MAPK10: variants seen among roughly 807,000 people sequenced by gnomAD.
MAPK10 encodes mitogen-activated protein kinase 10, also known as JNK3 alpha protein kinase.
Under a neutral mutation model 59.3 loss-of-function variants are expected in MAPK10, and 25 were observed. The ratio of observed to expected loss-of-function variants is 0.42; its 90% CI spans 0.31 to 0.59. MAPK10 has a LOEUF of 0.59. MAPK10 is among the 20% of genes least tolerant of loss of function. The probability of loss-of-function intolerance (pLI) is 0.15; values close to 1 mark genes in which losing one functional copy is unlikely to be tolerated. For missense variants in MAPK10, 351 were observed against 568.9 expected, an observed-to-expected ratio of 0.62 and a Z score of 3.90; for synonymous variants, 190 against 200.5, an observed-to-expected ratio of 0.95 and a Z score of 0.44.
chr4:86,505,112 C>T (rs1015149020), intron 1 of MAPK10, among the ~76,000 whole-genome samples: 7 of 152,148 alleles, frequency 4.6e-5, no homozygotes, highest in African/African-American at 1.7e-4. Context: ...GTTCAACCTT[C>T]ACCTGTTTCT....
At chr4:86,046,768 C>A (rs553767436) in intron 11 of MAPK10, among the ~76,000 whole-genome samples, 1 of 152,144 alleles carries the variant, frequency 6.6e-6, no homozygotes, top group South Asian at 2.1e-4. Flanking sequence ...CCATTAACAT[C>A]CTGAGCTTTA....
intron 9 of MAPK10, among the ~76,000 whole-genome samples, chr4:86,097,766 G>C (rs1018739351): frequency 6.6e-6 from 1 of 152,012 alleles, no homozygotes; most frequent in East Asian, 1.9e-4. Context: ...TTTAAGAAAT[G>C]TATCAGTTCA....
chr4:86,575,788 A>T (rs770669086), intron 1 of MAPK10, among the ~76,000 whole-genome samples: 5 of 150,186 alleles, frequency 3.3e-5, no homozygotes, highest in Non-Finnish European at 7.4e-5. Flanking sequence ...ATGGTGTATG[A>T]TGGGGTTATG....
At chr4:86,153,966 A>C (rs915338676) in intron 4 of MAPK10, among the ~76,000 whole-genome samples, 4 of 152,196 alleles carry the variant, frequency 2.6e-5, no homozygotes, top group African/African-American at 9.6e-5. Flanking sequence ...GATATTACAG[A>C]TGTACATGAG....
chr4:86,515,154 C>T (rs1213175983), intron 1 of MAPK10, among the ~76,000 whole-genome samples: 1 of 152,176 alleles, frequency 6.6e-6, no homozygotes, highest in African/African-American at 2.4e-5. Context: ...CCAATTCCAA[C>T]CATGTTGCTG....
At chr4:86,103,076 T>TGG in intron 6 of MAPK10, 110 bp downstream of exon 6, 1 of 352,932 alleles carries the variant, frequency 2.8e-6, no homozygotes. Context: ...ATTTCAACTC[T>TGG]GTGTGTGTGT....
intron 1 of MAPK10, among the ~76,000 whole-genome samples, chr4:86,561,173 C>T (rs1760648959): frequency 6.6e-6 from 1 of 152,150 alleles, no homozygotes; most frequent in Non-Finnish European, 1.5e-5. Context: ...GAATCTAATG[C>T]CACTGCTGAT....
At position 86,014,439 on chromosome 4, in the gene MAPK10, G is replaced by T. The variant is rs1307695716; in HGVS notation, c.*2789C>A. ...ATATTATAGGAAAGCAGACCTAGTG[G>T]GCAAAGGACTGGGGGGCTTTTACAG... On this transcript the variant is annotated 3_prime_UTR_variant, in exon 14 of 14. Transcript: ENST00000641462. The T allele has an allele frequency of 1.3e-5, 2 of 151,736 alleles. No individual in the cohort carries two copies. The highest frequency in any genetic ancestry group is 2.9e-5 in the Non-Finnish European group (2 of 67,980). The allele number at this position is 151,736 out of a possible 1,614,324, so 9.4% of individuals were successfully genotyped here. A position where few individuals can be genotyped will look rare whatever the true frequency, so the allele number is the denominator to read the frequency against.
chr4:86,257,156 T>G (rs369673976), intron 2 of MAPK10, among the ~76,000 whole-genome samples: 1 of 152,222 alleles, frequency 6.6e-6, no homozygotes, highest in Admixed American at 6.5e-5. Context: ...AGCATGAATA[T>G]ATCTCCAACC....
chr4:86,027,423 T>C (rs1302175547), intron 13 of MAPK10: 1 of 152,144 alleles, frequency 6.6e-6, no homozygotes, highest in Non-Finnish European at 1.5e-5. Flanking sequence ...TTTCCCAAAA[T>C]GAATAAATCA....
chr4:86,134,118 C>A (rs1332864432), intron 4 of MAPK10, among the ~76,000 whole-genome samples: 2 of 152,138 alleles, frequency 1.3e-5, no homozygotes, highest in East Asian at 3.8e-4. Flanking sequence ...TACATTGAGC[C>A]AAAATCTAAG....
At chr4:86,058,212 TCTC>T (rs1449363721) in intron 11 of MAPK10, among the ~76,000 whole-genome samples, 1 of 149,670 alleles carries the variant, frequency 6.7e-6, no homozygotes, top group Non-Finnish European at 1.5e-5. Context: ...TCTAAAGTCT[TCTC>T]CTCTCCAGAG....
chr4:86,100,026 A>T (rs755153326), intron 8 of MAPK10: 1 of 152,186 alleles, frequency 6.6e-6, no homozygotes, highest in Non-Finnish European at 1.5e-5. Flanking sequence ...GAGTATACAA[A>T]GAAGTTTCTG....
chr4:86,239,863 C>T (rs1170023017), intron 2 of MAPK10, among the ~76,000 whole-genome samples: 1 of 149,634 alleles, frequency 6.7e-6, no homozygotes, highest in South Asian at 2.1e-4. Context: ...CAATTCTTCT[C>T]TGATGTTAGT....
At chr4:86,141,378 T>G (rs193278589) in intron 4 of MAPK10, among the ~76,000 whole-genome samples, 1 of 152,322 alleles carries the variant, frequency 6.6e-6, no homozygotes, top group African/African-American at 2.4e-5. Context: ...TTTTTTAACC[T>G]GAGGAAATTG....
At chr4:86,086,571 G>A (rs759005863) in intron 9 of MAPK10, among the ~76,000 whole-genome samples, 21 of 152,110 alleles carry the variant, frequency 1.4e-4, no homozygotes, top group Middle Eastern at 6.8e-3. Flanking sequence ...AAAAAGTCAT[G>A]CATAGCTCAT....
At chr4:86,344,439 T>C (rs569241520) in intron 2 of MAPK10, among the ~76,000 whole-genome samples, 19 of 152,290 alleles carry the variant, frequency 1.2e-4, no homozygotes, top group African/African-American at 4.1e-4. Context: ...AAAGAAACTA[T>C]CCTACTGTGT....
rs1394002245 is a variant in MAPK10 at position 86,150,102 on chromosome 4, A to G, written c.236+9196T>C. The stretch of plus-strand genomic sequence containing the variant: ...ATAAAGAAAATGTGGTATATACACC[A>G]TGGAATACCACTCAGCCATTAAAAG... On this transcript the variant is annotated intron_variant, in intron 4 of 13. Coordinates refer to ENST00000641462, the MANE Select transcript of MAPK10 (RefSeq NM_138982.4). Among the ~76,000 whole-genome samples, 4 of 152,254 alleles carry G rather than the reference A, an allele frequency of 2.6e-5. No homozygotes were observed. In the East Asian group the frequency reaches 5.8e-4, roughly 22 times the overall value.
intron 4 of MAPK10, among the ~76,000 whole-genome samples, chr4:86,140,034 C>G (rs1404396544): frequency 7.9e-6 from 1 of 126,118 alleles, no homozygotes; most frequent in Non-Finnish European, 1.7e-5. Flanking sequence ...CAGGAAACAA[C>G]AGGTGCTGGA....
Sources: gnomAD v4.1 joint callset for allele counts (sites outside exome capture counted in the v4.1 genomes callset) on GRCh38, gnomAD v4.1.1 for gene constraint, MANE v1.5 for transcripts, NCBI Gene and HGNC (gene_info 2026-07-23, HGNC 2026-07-21) for gene names.